Variants in SSBP2 observed in about 807,000 individuals in gnomAD.
SSBP2 encodes the protein single-stranded DNA-binding protein 2.
SSBP2 carries 17 observed loss-of-function variants against 61.8 expected under a neutral mutation model. The ratio of observed to expected loss-of-function variants is 0.28; its 90% CI spans 0.19 to 0.41. The LOEUF (loss-of-function observed/expected upper bound fraction) is 0.41, where lower values mean the gene tolerates loss of function less well. Ranked by LOEUF, SSBP2 falls within the 10% of genes least tolerant of loss-of-function variation. The pLI, the probability that SSBP2 is intolerant of heterozygous loss-of-function variation, is 1.00. For synonymous variants in SSBP2, 139 were observed against 141.3 expected, an observed-to-expected ratio of 0.98 and a Z score of 0.12; for missense variants, 310 against 458.7, an observed-to-expected ratio of 0.68 and a Z score of 2.96.
chr5:81,548,897 G>A (rs1411732975), intron 4 of SSBP2, among the ~76,000 whole-genome samples: 1 of 152,108 alleles, frequency 6.6e-6, no homozygotes, highest in East Asian at 1.9e-4. Context: ...ACTCCAGCCT[G>A]GGCGACAGAG....
At chr5:81,701,853 C>T (rs1270285739) in intron 1 of SSBP2, among the ~76,000 whole-genome samples, 3 of 152,170 alleles carry the variant, frequency 2.0e-5, no homozygotes, top group East Asian at 1.9e-4. Flanking sequence ...TATAAGTATG[C>T]ACCATACCAT....
intron 4 of SSBP2, among the ~76,000 whole-genome samples, chr5:81,544,933 C>T (rs1382198308): frequency 1.3e-5 from 2 of 152,198 alleles, no homozygotes; most frequent in African/African-American, 4.8e-5. Context: ...TTATGCTCTG[C>T]TGTTCTCCAC....
intron 6 of SSBP2, among the ~76,000 whole-genome samples, chr5:81,479,182 T>C (rs1211787837): frequency 6.6e-6 from 1 of 152,230 alleles, no homozygotes; most frequent in African/African-American, 2.4e-5. Context: ...AAACCTTTAA[T>C]ATCAGAAAAA....
intron 5 of SSBP2, among the ~76,000 whole-genome samples, chr5:81,493,128 G>A (rs1294548025): frequency 6.6e-6 from 1 of 151,678 alleles, no homozygotes; most frequent in Non-Finnish European, 1.5e-5. Context: ...GGTCAATTAG[G>A]AGAATAAAAA....
intron 1 of SSBP2, among the ~76,000 whole-genome samples, chr5:81,685,377 A>T (rs1752696119): frequency 6.6e-6 from 1 of 152,326 alleles, no homozygotes; most frequent in Non-Finnish European, 1.5e-5. Context: ...TATGATAATG[A>T]TGTCTTAATG....
intron 6 of SSBP2, among the ~76,000 whole-genome samples, chr5:81,482,189 G>C (rs555445361): frequency 6.6e-6 from 1 of 151,988 alleles, no homozygotes; most frequent in Non-Finnish European, 1.5e-5. Context: ...AGTTATCCAT[G>C]TGCCTCAGCC....
chr5:81,505,099 G>C (rs540324947), intron 5 of SSBP2, among the ~76,000 whole-genome samples: 17 of 152,260 alleles, frequency 1.1e-4, no homozygotes, highest in African/African-American at 4.1e-4. Flanking sequence ...CATTCATGTA[G>C]AACAGAAGTA....
intron 1 of SSBP2, among the ~76,000 whole-genome samples, chr5:81,717,474 G>A (rs1288705421): frequency 6.6e-6 from 1 of 152,110 alleles, no homozygotes; most frequent in Non-Finnish European, 1.5e-5. Flanking sequence ...ACATGTAGAA[G>A]CATCCAAGAA....
At chr5:81,500,562 G>C (rs941137121) in intron 5 of SSBP2, among the ~76,000 whole-genome samples, 1 of 152,242 alleles carries the variant, frequency 6.6e-6, no homozygotes, top group African/African-American at 2.4e-5. Flanking sequence ...CTGGGTTCAA[G>C]TGATTCTCCT....
intron 4 of SSBP2, among the ~76,000 whole-genome samples, chr5:81,609,707 T>A (rs2153583527): frequency 6.6e-6 from 1 of 152,338 alleles, no homozygotes; most frequent in Non-Finnish European, 1.5e-5. Context: ...AGAAGCTGTC[T>A]TCCCATTTGG....
chr5:81,719,827 T>C (rs969811995), intron 1 of SSBP2, among the ~76,000 whole-genome samples: 1 of 151,950 alleles, frequency 6.6e-6, no homozygotes, highest in Non-Finnish European at 1.5e-5. Flanking sequence ...GACTGGCTGG[T>C]TTGAGAAATT....
chr5:81,731,052 C>G (rs900783357), intron 1 of SSBP2, among the ~76,000 whole-genome samples: 1 of 152,184 alleles, frequency 6.6e-6, no homozygotes, highest in African/African-American at 2.4e-5. Context: ...AACTGAAACT[C>G]TATACGATTA....
At chr5:81,672,738 A>ATT (rs199564178) in intron 1 of SSBP2, among the ~76,000 whole-genome samples, 1 of 151,504 alleles carries the variant, frequency 6.6e-6, no homozygotes, top group Non-Finnish European at 1.5e-5. Flanking sequence ...CATCCAGCTA[A>ATT]TTTTTTTGTA....
chr5:81,688,353 C>T (rs1273651780), intron 1 of SSBP2, among the ~76,000 whole-genome samples: 2 of 152,200 alleles, frequency 1.3e-5, no homozygotes, highest in Non-Finnish European at 2.9e-5. Context: ...AAACTTGCCG[C>T]CCTGAAACAA....
chr5:81,501,734 G>GT (rs761644276), intron 5 of SSBP2, among the ~76,000 whole-genome samples: 11 of 150,930 alleles, frequency 7.3e-5, no homozygotes, highest in Admixed American at 1.3e-4. Context: ...GGCTAATTTT[G>GT]TTTTTGTATT....
At chr5:81,485,904 G>A (rs528733337) in intron 6 of SSBP2, among the ~76,000 whole-genome samples, 11 of 152,194 alleles carry the variant, frequency 7.2e-5, no homozygotes, top group African/African-American at 1.2e-4. Flanking sequence ...TTGAGAAACC[G>A]TGTTTATGCT....
intron 4 of SSBP2, among the ~76,000 whole-genome samples, chr5:81,592,416 A>T (rs1775594135): frequency 1.3e-5 from 2 of 152,232 alleles, no homozygotes; most frequent in African/African-American, 4.8e-5. Flanking sequence ...CTCTGGGGGC[A>T]GGGCACAGAC....
Position 81,662,325 on chromosome 5 carries a change from G to A in SSBP2, c.63-11986C>T, listed in dbSNP as rs148266044. Among the ~76,000 whole-genome samples, 1,476 of 152,006 alleles carry A rather than the reference G, an allele frequency of 9.7e-3. 18 individuals are homozygous for A. Among genetic ancestry groups the A allele is most frequent in the Admixed American group, 0.023 (344 of 15,258 alleles). On this transcript the variant is annotated intron_variant, in intron 1 of 16. Coordinates refer to ENST00000320672, the MANE Select transcript of SSBP2 (RefSeq NM_012446.5). ...TACTAAAAAGACAAAAAATTAGCCGGGCATGGTGGCAGACGCCCGTAATCC... is the reference window on the plus strand; with the variant it reads ...TACTAAAAAGACAAAAAATTAGCCGAGCATGGTGGCAGACGCCCGTAATCC...
Position 81,414,227 on chromosome 5 carries a change from A to G in SSBP2, c.*6277T>C, listed in dbSNP as rs1467287772. ...GGAGACAAACTGTAATTGTATACAT[A>G]AAAACACCTAGTCCCACTTTAAAAT... On this transcript the variant is annotated 3_prime_UTR_variant, in exon 17 of 17. Transcript: ENST00000320672. 1 of 152,176 alleles carries G rather than the reference A, an allele frequency of 6.6e-6. No individual in the cohort carries two copies. The highest frequency in any genetic ancestry group is 2.4e-5 in the African/African-American group (1 of 41,452). 9.4% of individuals were successfully genotyped at this position (152,176 alleles called of 1,614,324 possible). A position where few individuals can be genotyped will look rare whatever the true frequency, so the allele number is the denominator to read the frequency against.
Sources: allele counts gnomAD v4.1 joint callset (sites outside exome capture counted in the v4.1 genomes callset), GRCh38; gene constraint gnomAD v4.1.1; transcripts MANE v1.5; gene names NCBI Gene and HGNC (gene_info 2026-07-23, HGNC 2026-07-21).